GPHN: variants seen among roughly 807,000 people sequenced by gnomAD.
GPHN encodes gephyrin.
Under a neutral mutation model 95.5 loss-of-function variants are expected in GPHN, and 17 were observed. The ratio of observed to expected loss-of-function variants is 0.18; its 90% CI spans 0.12 to 0.27. GPHN has a LOEUF of 0.27. Among genes scored for constraint, GPHN ranks in the 10% least tolerant of loss-of-function variants. The pLI is 1.00. For missense variants in GPHN, 660 were observed against 978.1 expected (o/e 0.67, Z 4.34); for synonymous variants, 320 against 322.5 (o/e 0.99, Z 0.08).
intron 2 of GPHN, among the ~76,000 whole-genome samples, chr14:66,716,670 C>T (rs573568975): frequency 7.2e-5 from 11 of 152,168 alleles, no homozygotes; most frequent in Admixed American, 3.3e-4. Flanking sequence ...GGAATTGTTT[C>T]AAGATTTAGA....
chr14:66,842,025 C>A (rs991559375), intron 4 of GPHN, among the ~76,000 whole-genome samples: 2 of 152,000 alleles, frequency 1.3e-5, no homozygotes, highest in Admixed American at 1.3e-4. Flanking sequence ...TGCACTCCAG[C>A]CTGGGTGACA....
chr14:67,356,883 G>C, the GPHN span, among the ~76,000 whole-genome samples: 4 of 152,178 alleles, frequency 2.6e-5, no homozygotes, highest in African/African-American at 9.7e-5. Context: ...GTAAATACTA[G>C]AACTTGGGCT....
intron 1 of GPHN, among the ~76,000 whole-genome samples, chr14:66,557,122 T>C (rs7147155): frequency 0.33 from 49,799 of 151,870 alleles, 11,991 homozygotes; most frequent in African/African-American, 0.66. Context: ...CTGGAGGATT[T>C]CTGGAGCCCA....
At chr14:66,754,800 T>C (rs1214855297) in intron 2 of GPHN, among the ~76,000 whole-genome samples, 1 of 152,016 alleles carries the variant, frequency 6.6e-6, no homozygotes, top group Non-Finnish European at 1.5e-5. Context: ...ATATCTCAAG[T>C]GCTATGAATG....
At chr14:67,690,555 T>C in the GPHN span, 3 of 714,578 alleles carry the variant, frequency 4.2e-6, no homozygotes, top group African/African-American at 1.8e-5. Flanking sequence ...CATTATCAAC[T>C]AGAAAACAAG....
the GPHN span, chr14:67,592,770 T>C: frequency 9.3e-7 from 1 of 1,072,282 alleles, no homozygotes; most frequent in Non-Finnish European, 1.4e-6. Context: ...CATTTTGCAT[T>C]CTTTTTTTCT....
chr14:66,726,473 T>A (rs761402318), intron 2 of GPHN, among the ~76,000 whole-genome samples: 2 of 152,218 alleles, frequency 1.3e-5, no homozygotes, highest in African/African-American at 2.4e-5. Context: ...TTTTAATATT[T>A]TTCTGTATTT....
the GPHN span, chr14:67,586,950 G>T: frequency 2.8e-5 from 43 of 1,544,590 alleles, no homozygotes; most frequent in African/African-American, 4.8e-4. Flanking sequence ...TTTCTCCCAG[G>T]TGGGTATTTT....
the GPHN span, among the ~76,000 whole-genome samples, chr14:67,195,003 G>A: frequency 3.3e-4 from 51 of 152,268 alleles, 2 homozygotes; most frequent in South Asian, 0.01. Context: ...CCACGCCCAA[G>A]CCTGGACTAA....
the GPHN span, among the ~76,000 whole-genome samples, chr14:67,374,156 G>GC: frequency 6.6e-6 from 1 of 152,066 alleles, no homozygotes; most frequent in Non-Finnish European, 1.5e-5. Context: ...AAACTTTTGA[G>GC]CACCAACATG....
chr14:66,737,549 T>TA (rs766103951), intron 2 of GPHN, among the ~76,000 whole-genome samples: 4 of 152,156 alleles, frequency 2.6e-5, no homozygotes, highest in Non-Finnish European at 5.9e-5. Context: ...TTTTGGGTGT[T>TA]ACTGACTGCA....
At chr14:67,557,229 GA>G in the GPHN span, 1 of 1,594,002 alleles carries the variant, frequency 6.3e-7, no homozygotes, top group Non-Finnish European at 8.6e-7. Flanking sequence ...CACCCCGTGT[GA>G]GTGATGGGAA....
chr14:66,687,116 G>T (rs545683346), intron 2 of GPHN, among the ~76,000 whole-genome samples: 1 of 152,110 alleles, frequency 6.6e-6, no homozygotes, highest in East Asian at 1.9e-4. Context: ...TGATCATGTT[G>T]GATAAGCTTT....
intron 4 of GPHN, among the ~76,000 whole-genome samples, chr14:66,848,964 A>C (rs2062457589): frequency 1.3e-5 from 2 of 151,898 alleles, no homozygotes; most frequent in Non-Finnish European, 2.9e-5. Context: ...AATAATTACT[A>C]AAATGTATAG....
At chr14:67,169,798 C>A (rs2082493055) in intron 21 of GPHN, among the ~76,000 whole-genome samples, 1 of 152,182 alleles carries the variant, frequency 6.6e-6, no homozygotes. Flanking sequence ...AATATTAGGC[C>A]AGGCTCAATG....
chr14:66,861,556 C>T (rs2153521517), intron 4 of GPHN, among the ~76,000 whole-genome samples: 1 of 152,064 alleles, frequency 6.6e-6, no homozygotes, highest in East Asian at 1.9e-4. Context: ...TTATTCTCCT[C>T]AGAACAGAGA....
the GPHN span, among the ~76,000 whole-genome samples, chr14:67,296,869 G>T: frequency 1.3e-5 from 2 of 151,942 alleles, no homozygotes; most frequent in African/African-American, 2.4e-5. Context: ...TGAATAGCTG[G>T]GACTCAAACT....
the GPHN span, among the ~76,000 whole-genome samples, chr14:67,732,075 C>T: frequency 3.3e-3 from 483 of 147,416 alleles, 4 homozygotes; most frequent in African/African-American, 0.012. Context: ...TGCAGTAAGC[C>T]GAGATCACTC....
chr14:67,469,904 G>A, the GPHN span, among the ~76,000 whole-genome samples: 197 of 152,308 alleles, frequency 1.3e-3, 1 homozygote, highest in South Asian at 0.015. Context: ...AGATGTCTCA[G>A]GTCATGGCTG....
Sources: allele counts gnomAD v4.1 joint callset (sites outside exome capture counted in the v4.1 genomes callset), GRCh38; gene constraint gnomAD v4.1.1; transcripts MANE v1.5; gene names NCBI Gene and HGNC (gene_info 2026-07-23, HGNC 2026-07-21).